KHDRBS2: variants seen among roughly 807,000 people sequenced by gnomAD.
KHDRBS2 encodes KH domain-containing, RNA-binding, signal transduction-associated protein 2.
Under a neutral mutation model 44.3 loss-of-function variants are expected in KHDRBS2, and 26 were observed. That is an observed-to-expected ratio of 0.59 (90% CI 0.43 to 0.81). The LOEUF is 0.81. Ranked by LOEUF, KHDRBS2 falls within the 40% of genes least tolerant of loss-of-function variation. The pLI, the probability that KHDRBS2 is intolerant of heterozygous loss-of-function variation, is 0.00. For synonymous variants in KHDRBS2, 194 were observed against 151.1 expected, an observed-to-expected ratio of 1.28 and a Z score of -2.08; for missense variants, 476 against 433.1, an observed-to-expected ratio of 1.10 and a Z score of -0.88.
chr6:61,672,178 T>C, the KHDRBS2 span, among the ~76,000 whole-genome samples: 1 of 148,786 alleles, frequency 6.7e-6, no homozygotes, highest in Non-Finnish European at 1.5e-5. Flanking sequence ...CATGAACTCA[T>C]CATTTTTTAT....
intron 7 of KHDRBS2, among the ~76,000 whole-genome samples, chr6:61,704,745 T>C (rs922270245): frequency 8.6e-6 from 1 of 116,950 alleles, no homozygotes; most frequent in Non-Finnish European, 2.0e-5. Flanking sequence ...ACCTGGCACA[T>C]TATTCAACAC....
the KHDRBS2 span, among the ~76,000 whole-genome samples, chr6:61,578,732 C>G: frequency 6.6e-6 from 1 of 152,218 alleles, no homozygotes; most frequent in South Asian, 2.1e-4. Context: ...CGATTATAGT[C>G]GGATGCTTGG....
At chr6:61,610,586 T>A in the KHDRBS2 span, among the ~76,000 whole-genome samples, 1 of 152,096 alleles carries the variant, frequency 6.6e-6, no homozygotes, top group African/African-American at 2.4e-5. Flanking sequence ...TGGCTGCAGG[T>A]CTTAGTTCCT....
the KHDRBS2 span, among the ~76,000 whole-genome samples, chr6:61,674,466 A>T: frequency 0.19 from 29,156 of 151,700 alleles, 2,957 homozygotes; most frequent in African/African-American, 0.23. Flanking sequence ...CTCTTCTGTA[A>T]AATGAGTTTA....
At chr6:61,849,171 T>C (rs1477011866) in intron 6 of KHDRBS2, among the ~76,000 whole-genome samples, 1 of 152,100 alleles carries the variant, frequency 6.6e-6, no homozygotes, top group Non-Finnish European at 1.5e-5. Context: ...AATTAACCAG[T>C]TTGTATCTTA....
intron 2 of KHDRBS2, among the ~76,000 whole-genome samples, chr6:62,071,966 C>T (rs557195333): frequency 7.2e-5 from 11 of 152,204 alleles, no homozygotes; most frequent in African/African-American, 2.4e-4. Context: ...ATTCTTCCTA[C>T]CCATGAGCAT....
chr6:61,956,904 T>TTCATCACA (rs1554293361), intron 4 of KHDRBS2, among the ~76,000 whole-genome samples: 1 of 148,308 alleles, frequency 6.7e-6, no homozygotes, highest in African/African-American at 2.5e-5. Context: ...GTTATTGGTT[T>TTCATCACA]TCATCATCAT....
chr6:61,646,280 T>C, the KHDRBS2 span, among the ~76,000 whole-genome samples: 1 of 152,162 alleles, frequency 6.6e-6, no homozygotes, highest in Non-Finnish European at 1.5e-5. Context: ...TAAACAGAGG[T>C]ATTGTTTTCT....
At chr6:61,567,058 C>T in the KHDRBS2 span, among the ~76,000 whole-genome samples, 1 of 152,160 alleles carries the variant, frequency 6.6e-6, no homozygotes, top group Non-Finnish European at 1.5e-5. Flanking sequence ...TGTGATTTGG[C>T]CATCTGTGTT....
intron 1 of KHDRBS2, among the ~76,000 whole-genome samples, chr6:62,197,582 A>G (rs1163343301): frequency 6.6e-6 from 1 of 152,058 alleles, no homozygotes; most frequent in African/African-American, 2.4e-5. Flanking sequence ...CCAGTTTTTC[A>G]GACTAATAAA....
At chr6:62,059,717 TGA>T (rs1357655966) in intron 2 of KHDRBS2, among the ~76,000 whole-genome samples, 3 of 151,734 alleles carry the variant, frequency 2.0e-5, no homozygotes, top group Non-Finnish European at 4.4e-5. Flanking sequence ...AAATCTAAGA[TGA>T]AAATATATAC....
rs765588277 is a variant in KHDRBS2 at position 61,901,279 on chromosome 6, G to A, written c.576C>T (p.Gly192=). The change falls in exon 5 of 9, where the codon GGC becomes GGT. Residue 192 remains glycine, a synonymous_variant. Transcript: ENST00000281156. Reference sequence around the variant, plus strand: ...CTGTGGGAGCTATTCTGATCCCTCTGCCTCTAATACCTCTGCCACGACCAG... The same window carrying A: ...CTGTGGGAGCTATTCTGATCCCTCTACCTCTAATACCTCTGCCACGACCAG... ...EDSGRGRGIR[G]RGIRIAPTAP... is the part of the protein sequence containing the mutation. The A allele has an allele frequency of 6.2e-7, 1 of 1,613,400 alleles. No homozygotes were observed. The highest frequency in any genetic ancestry group is 1.3e-5 in the African/African-American group (1 of 74,836).
intron 1 of KHDRBS2, among the ~76,000 whole-genome samples, chr6:62,268,078 A>G (rs1839491688): frequency 6.6e-6 from 1 of 152,048 alleles, no homozygotes; most frequent in Non-Finnish European, 1.5e-5. Flanking sequence ...TCAGTATTTT[A>G]TAATTTTGTA....
intron 6 of KHDRBS2, among the ~76,000 whole-genome samples, chr6:61,802,593 T>G (rs1241200084): frequency 6.6e-6 from 1 of 152,148 alleles, no homozygotes; most frequent in Non-Finnish European, 1.5e-5. Context: ...AAATTCTAGT[T>G]TCAAACAGAG....
chr6:61,882,577 C>G (rs1416777238), intron 6 of KHDRBS2, among the ~76,000 whole-genome samples: 1 of 151,920 alleles, frequency 6.6e-6, no homozygotes, highest in Non-Finnish European at 1.5e-5. Context: ...GTGTGATTTT[C>G]CATCGTCAAC....
intron 2 of KHDRBS2, among the ~76,000 whole-genome samples, chr6:62,056,475 T>C (rs1304525716): frequency 6.6e-6 from 1 of 151,950 alleles, no homozygotes; most frequent in Non-Finnish European, 1.5e-5. Flanking sequence ...GGGGACATGA[T>C]CAAAGAAAGA....
intron 3 of KHDRBS2, among the ~76,000 whole-genome samples, chr6:62,036,177 A>G: frequency 1.3e-5 from 2 of 151,894 alleles, no homozygotes; most frequent in Middle Eastern, 3.4e-3. Flanking sequence ...TAAACTGTTG[A>G]CTTAGGCACC....
intron 3 of KHDRBS2, among the ~76,000 whole-genome samples, chr6:61,984,177 C>G (rs779927765): frequency 6.6e-6 from 1 of 152,170 alleles, no homozygotes; most frequent in Non-Finnish European, 1.5e-5. Flanking sequence ...TCTGTTCTCA[C>G]TTAAGATACT....
chr6:61,695,920 T>A (rs1767853581), intron 8 of KHDRBS2, among the ~76,000 whole-genome samples: 1 of 152,132 alleles, frequency 6.6e-6, no homozygotes, highest in Non-Finnish European at 1.5e-5. Flanking sequence ...AACCATTGTT[T>A]CCTTTTCTCT....
Sources: gnomAD v4.1 joint callset for allele counts (sites outside exome capture counted in the v4.1 genomes callset) on GRCh38, gnomAD v4.1.1 for gene constraint, MANE v1.5 for transcripts, NCBI Gene and HGNC (gene_info 2026-07-23, HGNC 2026-07-21) for gene names.